The following NPAS2 variants were observed in gnomAD, a reference collection of about 807,000 sequenced individuals.
NPAS2 encodes the protein neuronal PAS domain protein 2, also known as neuronal PAS domain-containing protein 2.
In NPAS2, 23 loss-of-function variants were observed where a neutral mutation model predicts 107.5. The ratio of observed to expected loss-of-function variants is 0.21; its 90% confidence interval spans 0.15 to 0.30. NPAS2 has a LOEUF of 0.30. Ranked by LOEUF, NPAS2 falls within the 10% of genes least tolerant of loss-of-function variation. The pLI is 1.00. For missense variants in NPAS2, 756 were observed against 1,043.3 expected (o/e 0.72, Z 3.79); for synonymous variants, 403 against 417.5 (o/e 0.97, Z 0.42).
chr2:100,888,603 T>C (rs1680858096), intron 1 of NPAS2, among the ~76,000 whole-genome samples: 1 of 152,162 alleles, frequency 6.6e-6, no homozygotes, highest in Non-Finnish European at 1.5e-5. Flanking sequence ...CCTGTGAACA[T>C]AGGATAGTAT....
intron 15 of NPAS2, among the ~76,000 whole-genome samples, chr2:100,981,810 T>G (rs1677460200): frequency 6.6e-6 from 1 of 152,194 alleles, no homozygotes; most frequent in South Asian, 2.1e-4. Context: ...ACGTACAAAC[T>G]GCTATGCCCT....
rs753895267 is a variant in NPAS2, at chr2:100,996,681, T to G, written c.*1099T>G. 7.2e-5 allele frequency: 11 copies of G among 152,670 alleles called. No individual in the cohort carries two copies. Among genetic ancestry groups the G allele is most frequent in the African/African-American group, 9.6e-5 (4 of 41,468 alleles). The allele number at this position is 152,670 out of a possible 1,614,324, so 9.5% of individuals were successfully genotyped here. A position where few individuals can be genotyped will look rare whatever the true frequency, so the allele number is the denominator to read the frequency against. ...TACAGCTGTTGTAATAATGACCTAT[T>G]TCTATATAAAATAAAATTGTATGGC... On this transcript the variant is annotated 3_prime_UTR_variant, in exon 21 of 21. Coordinates refer to ENST00000335681, the MANE Select transcript of NPAS2 (RefSeq NM_002518.4).
At chr2:100,932,547 G>T (rs1202015272) in intron 3 of NPAS2, among the ~76,000 whole-genome samples, 1 of 151,260 alleles carries the variant, frequency 6.6e-6, no homozygotes, top group Non-Finnish European at 1.5e-5. Context: ...ACTTATGAAG[G>T]TGTCACACCA....
At chr2:100,841,775 CAT>C (rs1448972193) in intron 1 of NPAS2, among the ~76,000 whole-genome samples, 3 of 152,188 alleles carry the variant, frequency 2.0e-5, no homozygotes, top group Non-Finnish European at 2.9e-5. Flanking sequence ...TACATGCACA[CAT>C]ATGCATACAC....
intron 7 of NPAS2, among the ~76,000 whole-genome samples, chr2:100,962,487 A>G (rs1432182730): frequency 1.3e-5 from 2 of 152,182 alleles, no homozygotes; most frequent in East Asian, 3.9e-4. Context: ...ACAGATTATC[A>G]GCCCTGGGAT....
chr2:100,943,532 A>ACAG (rs889985713), intron 5 of NPAS2, among the ~76,000 whole-genome samples: 2 of 152,334 alleles, frequency 1.3e-5, no homozygotes, highest in East Asian at 3.9e-4. Flanking sequence ...GATGAGGCCA[A>ACAG]CAGCAGTTAA....
intron 1 of NPAS2, chr2:100,878,737 T>A: frequency 2.6e-6 from 1 of 390,976 alleles, no homozygotes; most frequent in African/African-American, 2.2e-5. Flanking sequence ...GTTTACTTGT[T>A]TGAAATTCAT....
At chr2:100,901,330 C>CA (rs1305169940) in intron 1 of NPAS2, among the ~76,000 whole-genome samples, 1 of 152,202 alleles carries the variant, frequency 6.6e-6, no homozygotes, top group Non-Finnish European at 1.5e-5. Flanking sequence ...CTCCTTTCAT[C>CA]AGGCTCCCAT....
At chr2:100,875,832 CAA>C (rs1679931429) in intron 1 of NPAS2, among the ~76,000 whole-genome samples, 1 of 152,044 alleles carries the variant, frequency 6.6e-6, no homozygotes, top group African/African-American at 2.4e-5. Context: ...CTTGAAGTAA[CAA>C]AAGGGGAGAC....
intron 16 of NPAS2, chr2:100,986,192 G>T (rs1379398327): frequency 6.6e-6 from 1 of 152,174 alleles, no homozygotes; most frequent in African/African-American, 2.4e-5. Flanking sequence ...TCTGTGGTGG[G>T]TGGGGCATGA....
chr2:100,916,871 C>A (rs778237505), intron 2 of NPAS2, among the ~76,000 whole-genome samples: 1 of 152,004 alleles, frequency 6.6e-6, no homozygotes, highest in South Asian at 2.1e-4. Flanking sequence ...AGAAAGATAG[C>A]GGGAAAAATA....
At chr2:100,861,860 A>G (rs1471767197) in intron 1 of NPAS2, among the ~76,000 whole-genome samples, 1 of 152,110 alleles carries the variant, frequency 6.6e-6, no homozygotes, top group Non-Finnish European at 1.5e-5. Context: ...AGAAATGTAA[A>G]CAGATTACCT....
chr2:100,943,158 C>A (rs1473321419), intron 5 of NPAS2, among the ~76,000 whole-genome samples: 8 of 152,204 alleles, frequency 5.3e-5, no homozygotes, highest in Non-Finnish European at 1.2e-4. Flanking sequence ...CACCAGTCTG[C>A]CCTGCACCAG....
chr2:100,866,860 T>A (rs566580773), intron 1 of NPAS2, among the ~76,000 whole-genome samples: 1 of 152,382 alleles, frequency 6.6e-6, no homozygotes, highest in East Asian at 1.9e-4. Context: ...TTAGGAGTTG[T>A]AGCTTCTATA....
intron 10 of NPAS2, among the ~76,000 whole-genome samples, chr2:100,966,585 C>CTT (rs765292891): frequency 7.1e-4 from 85 of 120,314 alleles, no homozygotes; most frequent in Non-Finnish European, 9.5e-4. Context: ...CCCATTAGAA[C>CTT]TTTTTTTTTT....
chr2:100,977,866 G>C, intron 15 of NPAS2, 67 bp downstream of exon 15: 1 of 1,345,632 alleles, frequency 7.4e-7, no homozygotes, highest in Non-Finnish European at 1.1e-6. Flanking sequence ...CTGCGCTGAT[G>C]GTCTTGTACA....
At chr2:100,824,846 T>C (rs1165174891) in intron 1 of NPAS2, among the ~76,000 whole-genome samples, 1 of 152,204 alleles carries the variant, frequency 6.6e-6, no homozygotes, top group Non-Finnish European at 1.5e-5. Flanking sequence ...AAGTAAATCT[T>C]GAAAACCAAG....
At chr2:100,982,543 A>C in intron 16 of NPAS2, 166 bp downstream of exon 16, 1 of 765,604 alleles carries the variant, frequency 1.3e-6, no homozygotes, top group Non-Finnish European at 2.1e-6. Flanking sequence ...CAAGGAACAA[A>C]TCCCGGTCCC....
intron 7 of NPAS2, among the ~76,000 whole-genome samples, chr2:100,956,553 T>G (rs1675577933): frequency 2.0e-5 from 3 of 152,222 alleles, no homozygotes; most frequent in African/African-American, 7.2e-5. Context: ...TTCATTCTTT[T>G]CATAGCTGTA....
Sources: allele counts gnomAD v4.1 joint callset (sites outside exome capture counted in the v4.1 genomes callset), GRCh38; gene constraint gnomAD v4.1.1; transcripts MANE v1.5; gene names NCBI Gene and HGNC (gene_info 2026-07-23, HGNC 2026-07-21).